VPS13B: variants seen among roughly 807,000 people sequenced by gnomAD.
VPS13B encodes the protein vacuolar protein sorting 13 homolog B.
In VPS13B, 285 loss-of-function variants were observed where a neutral mutation model predicts 426.4. The observed-to-expected ratio is 0.67, with a 90% CI of 0.61 to 0.74. The LOEUF (loss-of-function observed/expected upper bound fraction) is 0.74. VPS13B is among the 30% of genes least tolerant of loss of function. VPS13B has a pLI of 0.00. For missense variants in VPS13B, 4,537 were observed against 4,782.6 expected (o/e 0.95, Z 1.51); for synonymous variants, 1,676 against 1,676.4 (o/e 1.00, Z 0.01).
At chr8:99,090,326 G>A (rs1257289691) in intron 3 of VPS13B, among the ~76,000 whole-genome samples, 1 of 150,112 alleles carries the variant, frequency 6.7e-6, no homozygotes, top group Non-Finnish European at 1.5e-5. Flanking sequence ...GGAGTGCAGT[G>A]GTGCGATCTT....
intron 17 of VPS13B, among the ~76,000 whole-genome samples, chr8:99,231,266 C>A (rs939072411): frequency 1.4e-5 from 2 of 146,442 alleles, no homozygotes; most frequent in African/African-American, 5.0e-5. Context: ...TAACCTAGTA[C>A]TTTTTTTTTT....
At chr8:99,416,329 G>A (rs1816003043) in intron 21 of VPS13B, among the ~76,000 whole-genome samples, 1 of 152,316 alleles carries the variant, frequency 6.6e-6, no homozygotes, top group East Asian at 1.9e-4. Context: ...AGAATTTCAA[G>A]CCAGTGGATC....
intron 14 of VPS13B, among the ~76,000 whole-genome samples, chr8:99,149,808 T>C (rs971201594): frequency 6.6e-6 from 1 of 152,074 alleles, no homozygotes; most frequent in Non-Finnish European, 1.5e-5. Context: ...AGCGATGGCA[T>C]TAGATTCTCA....
intron 31 of VPS13B, among the ~76,000 whole-genome samples, chr8:99,559,157 C>T (rs941911351): frequency 1.3e-5 from 2 of 152,082 alleles, no homozygotes; most frequent in Non-Finnish European, 2.9e-5. Context: ...TCTCTGATGG[C>T]CAGTGATGAG....
chr8:99,545,687 T>C (rs1330567311), intron 30 of VPS13B, among the ~76,000 whole-genome samples: 2 of 152,056 alleles, frequency 1.3e-5, no homozygotes, highest in Admixed American at 1.3e-4. Context: ...GCAAACAGCC[T>C]TAATACTGTT....
chr8:99,515,215 T>A (rs1821993261), intron 29 of VPS13B, among the ~76,000 whole-genome samples: 1 of 152,270 alleles, frequency 6.6e-6, no homozygotes, highest in Non-Finnish European at 1.5e-5. Context: ...TTTATATGTT[T>A]TTGTTTTGGG....
At chr8:99,786,722 A>G (rs539022271) in intron 43 of VPS13B, among the ~76,000 whole-genome samples, 1 of 152,308 alleles carries the variant, frequency 6.6e-6, no homozygotes, top group African/African-American at 2.4e-5. Context: ...AGTCATTATA[A>G]TCTTCTTAAG....
At chr8:99,183,224 C>T (rs1813039068) in intron 16 of VPS13B, among the ~76,000 whole-genome samples, 1 of 152,048 alleles carries the variant, frequency 6.6e-6, no homozygotes, top group Non-Finnish European at 1.5e-5. Flanking sequence ...AACATCAGTA[C>T]TTTTGTTGAA....
intron 19 of VPS13B, chr8:99,347,064 A>AT (rs1167125335): frequency 1.3e-5 from 2 of 154,114 alleles, no homozygotes; most frequent in African/African-American, 4.8e-5. Context: ...AATGCCTGCC[A>AT]TATCCTATGG....
At chr8:99,352,502 A>G (rs895168092) in intron 19 of VPS13B, among the ~76,000 whole-genome samples, 1 of 152,218 alleles carries the variant, frequency 6.6e-6, no homozygotes, top group Non-Finnish European at 1.5e-5. Flanking sequence ...AGAAAAATGT[A>G]TATGACCAGG....
At chr8:99,313,885 C>A (rs1449202392) in intron 19 of VPS13B, among the ~76,000 whole-genome samples, 6 of 152,112 alleles carry the variant, frequency 3.9e-5, no homozygotes, top group Non-Finnish European at 8.8e-5. Context: ...CCCTCCCCCA[C>A]CCTTGCTGCC....
intron 33 of VPS13B, among the ~76,000 whole-genome samples, chr8:99,619,088 T>C (rs747360158): frequency 6.6e-6 from 1 of 152,242 alleles, no homozygotes; most frequent in Non-Finnish European, 1.5e-5. Flanking sequence ...AGCTACCTTA[T>C]AAGCATGAGG....
At chr8:99,645,026 A>G (rs1464251351) in intron 34 of VPS13B, among the ~76,000 whole-genome samples, 1 of 152,184 alleles carries the variant, frequency 6.6e-6, no homozygotes, top group East Asian at 1.9e-4. Context: ...CAGAGCTACA[A>G]TTCAAAGCTA....
At position 99,156,719 on chromosome 8, in the gene VPS13B, T is replaced by C. The variant is rs757079471; in HGVS notation, c.2184T>C (p.Tyr728=). ...AACCTTCTGATAACCTGCTTCATTA[T>C]TGTTATGTACACTGCTATCTTAAGG... The part of the protein sequence containing the change: ...LTQPSDNLLH[Y]CYVHCYLKIF... The change falls in exon 15 of 62, where the codon TAT becomes TAC. Residue 728 remains tyrosine (Y), a synonymous_variant. Transcript: ENST00000357162. 1 of 1,614,094 alleles carries C rather than the reference T, an allele frequency of 6.2e-7. No individual in the cohort carries two copies. Among genetic ancestry groups the C allele is most frequent in the South Asian group, 1.1e-5 (1 of 91,078 alleles).
chr8:99,807,523 T>G (rs954141921), intron 43 of VPS13B, among the ~76,000 whole-genome samples: 5 of 152,114 alleles, frequency 3.3e-5, no homozygotes, highest in Non-Finnish European at 7.4e-5. Flanking sequence ...TCCCAGTTGC[T>G]GCTATAAAAA....
intron 10 of VPS13B, 39 bp downstream of exon 10, chr8:99,135,176 A>G: frequency 6.2e-7 from 1 of 1,611,348 alleles, no homozygotes; most frequent in Non-Finnish European, 8.5e-7. Context: ...GATAGGATAT[A>G]GGAATAATTA....
rs766166798 is a variant in VPS13B, at chr8:99,520,904, C to G, written c.4639C>G (p.Gln1547Glu). The change falls in exon 30 of 62, where the codon CAG (glutamine) becomes GAG (glutamate). Residue 1547 changes from glutamine to glutamate, a missense_variant. Gln to Glu is a conservative substitution (Grantham distance 29). This residue lies in a region of VPS13B where 4,311 missense variants were observed against 4,474.3 expected (regional missense o/e 0.96). Coordinates refer to ENST00000357162, the MANE Select transcript of VPS13B (RefSeq NM_152564.5). Reference protein sequence around the residue: ...EEMQPTVEANQAAKEDTVVLK... With the variant: ...EEMQPTVEANEAAKEDTVVLK... ...ATCTCCTTCTTTTGTTACAGCTAAT[C>G]AGGCAGCAAAAGAAGACACTGTGGT... 2 of 1,613,316 alleles carry G rather than the reference C, an allele frequency of 1.2e-6. No individual in the cohort carries two copies. The highest frequency in any genetic ancestry group is 2.2e-5 in the South Asian group (2 of 91,076).
chr8:99,095,743 A>G (rs1014691011), intron 3 of VPS13B, among the ~76,000 whole-genome samples: 21 of 152,198 alleles, frequency 1.4e-4, no homozygotes, highest in African/African-American at 5.1e-4. Flanking sequence ...AAAAATATGT[A>G]TAATTTATTT....
chr8:99,150,054 T>C (rs532736848), intron 14 of VPS13B, among the ~76,000 whole-genome samples: 2 of 152,326 alleles, frequency 1.3e-5, no homozygotes, highest in East Asian at 3.9e-4. Flanking sequence ...AAAGAAGTTA[T>C]GTAAGGGAAT....
Sources: gnomAD v4.1 joint callset for allele counts (sites outside exome capture counted in the v4.1 genomes callset) on GRCh38, gnomAD v4.1.1 for gene constraint, gnomAD v4.1.1 regional missense constraint, MANE v1.5 for transcripts, NCBI Gene and HGNC (gene_info 2026-07-23, HGNC 2026-07-21) for gene names.